The following TOLLIP variants were observed in gnomAD, a reference collection of about 807,000 sequenced individuals.
The protein encoded by TOLLIP is toll interacting protein, also known as toll-interacting protein.
In TOLLIP, 16 loss-of-function variants were observed where a neutral mutation model predicts 33.5. The ratio of observed to expected loss-of-function variants is 0.48; its 90% CI spans 0.32 to 0.72. The LOEUF is 0.72. TOLLIP is among the 30% of genes least tolerant of loss of function. TOLLIP has a pLI of 0.03. For missense variants in TOLLIP, 325 were observed against 396.6 expected (o/e 0.82, Z 1.53); for synonymous variants, 176 against 163.7 (o/e 1.07, Z -0.57).
chr11:1,286,078 GGCA>G lies in TOLLIP; in HGVS notation c.531_533del (p.Ala178del), dbSNP rs1273554936. On this transcript the variant is annotated inframe_deletion, in exon 5 of 6. Transcript: ENST00000317204. ...CCACGGGCTGGGGTGGCATCACCAT[GGCA>G]GCTGGAAGCAGCTGAAACACAGCGG... 2 of 1,597,690 alleles carry G rather than the reference GGCA, an allele frequency of 1.3e-6. No homozygotes were observed. Among genetic ancestry groups the G allele is most frequent in the Admixed American group, 1.8e-5 (1 of 56,798 alleles).
At position 1,303,542 on chromosome 11, in the gene TOLLIP, T is replaced by A. The variant is rs5743894; in HGVS notation, c.33+5924A>T. Reference sequence around the variant, plus strand: ...TGTATGCTAACGGCAGGAGGCGCTGTGCAAAGAAACAGGGCAAGGCCGGGT... The same window carrying A: ...TGTATGCTAACGGCAGGAGGCGCTGAGCAAAGAAACAGGGCAAGGCCGGGT... On this transcript the variant is annotated intron_variant, in intron 1 of 5. Coordinates refer to ENST00000317204, the MANE Select transcript of TOLLIP (RefSeq NM_019009.4). This position sits in a 1 kb window ranked among gnomAD's most constrained non-coding sequence, Gnocchi z 4.2. 1.3e-5 allele frequency among the ~76,000 whole-genome samples: 2 copies of A among 152,144 alleles called. No homozygotes were observed. The highest frequency in any genetic ancestry group is 2.9e-5 in the Non-Finnish European group (2 of 68,018).
Position 1,290,292 on chromosome 11 carries a change from T to C in TOLLIP, c.301A>G (p.Asn101Asp). 3 of 1,613,628 alleles carry C rather than the reference T, an allele frequency of 1.9e-6. No individual in the cohort carries two copies. Among genetic ancestry groups the C allele is most frequent in the Non-Finnish European group, 2.5e-6 (3 of 1,179,974 alleles). Residue 101 changes from asparagine to aspartate, a missense_variant, in exon 3 of 6, where the codon AAT becomes GAT. By Grantham distance (23) the Asn-to-Asp change is conservative. Coordinates refer to ENST00000317204, the MANE Select transcript of TOLLIP (RefSeq NM_019009.4). The surrounding 1 kb of genome is among the most constrained non-coding windows in gnomAD (Gnocchi z 4.9). The stretch of plus-strand genomic sequence containing the variant: ...GGCACCGTGCAGTGGATGACCTTAT[T>C]CCAGCGGGGATTCTTGGCGCCATTG... The part of the protein sequence containing the change: ...AHNGAKNPRW[N>D]KVIHCTVPPG...
chr11:1,297,202 A>G (rs1590224312), intron 1 of TOLLIP, among the ~76,000 whole-genome samples: 2 of 152,164 alleles, frequency 1.3e-5, no homozygotes, highest in East Asian at 3.9e-4. Context: ...TCTGCCATGC[A>G]CACCAGAAAC....
intron 5 of TOLLIP, among the ~76,000 whole-genome samples, chr11:1,282,592 T>G (rs1863538168): frequency 6.6e-6 from 1 of 151,672 alleles, no homozygotes; most frequent in Non-Finnish European, 1.5e-5. Flanking sequence ...AACCTGCACG[T>G]TGTGCACATG....
chr11:1,301,067 A>C (rs1292866434), intron 1 of TOLLIP, among the ~76,000 whole-genome samples: 1 of 152,270 alleles, frequency 6.6e-6, no homozygotes, highest in East Asian at 1.9e-4. Context: ...TAAAAACTAA[A>C]ATGCTTCTAG....
At chr11:1,283,135 C>CGCTGGGTGG (rs1863559734) in intron 5 of TOLLIP, 2 of 180,988 alleles carry the variant, frequency 1.1e-5, no homozygotes, top group Admixed American at 1.1e-4. Context: ...ACTAGCCCTG[C>CGCTGGGTGG]ACTGGGTAAA....
intron 5 of TOLLIP, among the ~76,000 whole-genome samples, chr11:1,280,086 A>C (rs1230073026): frequency 6.6e-6 from 1 of 152,288 alleles, no homozygotes; most frequent in Non-Finnish European, 1.5e-5. Flanking sequence ...TAAACACAAC[A>C]GCAGAGAGTT....
rs922962307 is a variant in TOLLIP, at chr11:1,303,834, G to A, written c.33+5632C>T. Among the ~76,000 whole-genome samples, 1 of 152,148 alleles carries A rather than the reference G, an allele frequency of 6.6e-6. No homozygotes were observed. The highest frequency in any genetic ancestry group is 1.5e-5 in the Non-Finnish European group (1 of 68,032). On this transcript the variant is annotated intron_variant, in intron 1 of 5. Transcript: ENST00000317204. The surrounding 1 kb of genome is among the most constrained non-coding windows in gnomAD (Gnocchi z 4.2). Reference sequence around the variant, plus strand: ...GCGGATCACTTGAGACCAGGAGTTCGAGAACAGCCTGGCCAACATGGTGAA... The same window carrying A: ...GCGGATCACTTGAGACCAGGAGTTCAAGAACAGCCTGGCCAACATGGTGAA...
Position 1,295,683 on chromosome 11 carries a change from C to A in TOLLIP, c.145G>T (p.Val49Leu), listed in dbSNP as rs1864091304. Residue 49 changes from valine (V) to leucine (L), a missense_variant, in exon 2 of 6, where the codon GTG becomes TTG. Val to Leu is a conservative substitution (Grantham distance 32). Coordinates refer to ENST00000317204, the MANE Select transcript of TOLLIP (RefSeq NM_019009.4). ...AAQQLQYGGA[V>L]GTVGRLNITV... ...ATGTTCAGTCGGCCCACGGTGCCCA[C>A]TGCGCCTCCGTACTGCAGCTGCTGG... is the stretch of plus-strand genomic sequence containing the variant. The A allele has an allele frequency of 1.2e-6, 2 of 1,607,488 alleles. No homozygotes were observed. The highest frequency in any genetic ancestry group is 1.7e-5 in the Admixed American group (1 of 59,750).
At position 1,282,061 on chromosome 11, in the gene TOLLIP, C is replaced by T. The variant is rs146052031; in HGVS notation, c.610+3941G>A. 2.2e-3 allele frequency among the ~76,000 whole-genome samples: 335 copies of T among 152,324 alleles called. 5 individuals carry two copies. Among genetic ancestry groups the T allele is most frequent in the African/African-American group, 7.6e-3 (318 of 41,578 alleles). On this transcript the variant is annotated intron_variant, in intron 5 of 5. Coordinates refer to ENST00000317204, the MANE Select transcript of TOLLIP (RefSeq NM_019009.4). ...GCCTTATTCACACTCTACAGTACTG[C>T]TAGGATAATTAAAAAATACTTCAAA... is the stretch of plus-strand genomic sequence containing the variant.
At position 1,295,044 on chromosome 11, in the gene TOLLIP, C is replaced by T. The variant is rs1441236790; in HGVS notation, c.183+601G>A. On this transcript the variant is annotated intron_variant, in intron 2 of 5. Coordinates refer to ENST00000317204, the MANE Select transcript of TOLLIP (RefSeq NM_019009.4). ...TTCCCTGCATTTCTACGAAAGCCTG[C>T]GTGGCTCACAGTGTGTCTCCTTTCC... Among the ~76,000 whole-genome samples the T allele has an allele frequency of 8.6e-5, 11 of 128,508 alleles. 1 individual carries two copies. The highest frequency in any genetic ancestry group is 3.3e-4 in the Admixed American group (4 of 12,192). The allele number at this position is 128,508 out of a possible 152,430, so 84.3% of individuals were successfully genotyped here.
intron 4 of TOLLIP, among the ~76,000 whole-genome samples, chr11:1,288,269 G>T (rs1863812352): frequency 6.6e-6 from 1 of 152,202 alleles, no homozygotes; most frequent in South Asian, 2.1e-4. Context: ...TCAGACCCTG[G>T]AGGGCTGCTC....
chr11:1,292,930 C>G (rs960151809), intron 2 of TOLLIP, among the ~76,000 whole-genome samples: 2 of 152,188 alleles, frequency 1.3e-5, no homozygotes, highest in African/African-American at 4.8e-5. Context: ...TCAGGAGTGA[C>G]TAGGGTGAGG....
chr11:1,288,777 C>T lies in TOLLIP; in HGVS notation c.367-1G>A. 4.3e-6 allele frequency: 7 copies of T among 1,611,102 alleles called. No individual in the cohort carries two copies. Among genetic ancestry groups the T allele is most frequent in the Non-Finnish European group, 5.9e-6 (7 of 1,178,936 alleles). Reference sequence around the variant, plus strand: ...TGCGGTCGTCCATGGAGAAGGCTCTCTGCGGGAGACAAGAGGGAGAGGCCC... The same window carrying T: ...TGCGGTCGTCCATGGAGAAGGCTCTTTGCGGGAGACAAGAGGGAGAGGCCC... On this transcript the variant is annotated splice_acceptor_variant, in intron 3 of 5. Transcript: ENST00000317204. LOFTEE classifies it high-confidence loss of function.
At position 1,290,008 on chromosome 11, in the gene TOLLIP, G is replaced by A. The variant is rs1251115121; in HGVS notation, c.366+219C>T. On this transcript the variant is annotated intron_variant, in intron 3 of 5. Transcript: ENST00000317204. The surrounding 1 kb of genome is among the most constrained non-coding windows in gnomAD (Gnocchi z 4.9). ...TATCCCTGGGTCATGCTTGTCACTG[G>A]GGATGTTTCCAAATGTAAGTATGTT... 7.1e-6 allele frequency: 4 copies of A among 565,470 alleles called. No homozygotes were observed. Among genetic ancestry groups the A allele is most frequent in the African/African-American group, 1.9e-5 (1 of 53,354 alleles). 35.0% of individuals were successfully genotyped at this position (565,470 alleles called of 1,614,324 possible).
chr11:1,305,447 A>G (rs964299090), intron 1 of TOLLIP, among the ~76,000 whole-genome samples: 3 of 152,172 alleles, frequency 2.0e-5, no homozygotes, highest in Admixed American at 6.5e-5. Flanking sequence ...CACATCTACA[A>G]AGAAAAGCAA....
intron 5 of TOLLIP, among the ~76,000 whole-genome samples, chr11:1,285,412 A>T (rs752566191): frequency 3.2e-4 from 49 of 152,254 alleles, no homozygotes; most frequent in Non-Finnish European, 6.9e-4. Context: ...GTCTTGCACC[A>T]GCAGCTACCA....
chr11:1,276,469 C>A lies in TOLLIP; in HGVS notation c.*570G>T. The stretch of plus-strand genomic sequence containing the variant: ...CTGGCTGGACAGTGGCCAGGTGAGC[C>A]AGGCCAGAGGCCGGCCCCACACCAT... On this transcript the variant is annotated 3_prime_UTR_variant, in exon 6 of 6. Transcript: ENST00000317204. The A allele has an allele frequency of 2.9e-6, 1 of 345,430 alleles. No individual in the cohort carries two copies. The highest frequency in any genetic ancestry group is 5.6e-6 in the Non-Finnish European group (1 of 179,564). The allele number at this position is 345,430 out of a possible 1,614,324, so 21.4% of individuals were successfully genotyped here. A position where few individuals can be genotyped will look rare whatever the true frequency, so the allele number is the denominator to read the frequency against.
chr11:1,275,090 A>G lies in TOLLIP; in HGVS notation c.*1949T>C, dbSNP rs1863245732. 2 of 152,272 alleles carry G rather than the reference A, an allele frequency of 1.3e-5. No homozygotes were observed. The highest frequency in any genetic ancestry group is 4.1e-4 in the South Asian group (2 of 4,836). 9.4% of individuals were successfully genotyped at this position (152,272 alleles called of 1,614,324 possible). A position where few individuals can be genotyped will look rare whatever the true frequency, so the allele number is the denominator to read the frequency against. ...AAAAAGAAAACTAAGAGATGGCGGC[A>G]AGCGTGGTCATCGGCAAAGGGTTGC... is the stretch of plus-strand genomic sequence containing the variant. On this transcript the variant is annotated 3_prime_UTR_variant, in exon 6 of 6. Coordinates refer to ENST00000317204, the MANE Select transcript of TOLLIP (RefSeq NM_019009.4).
Sources: allele counts gnomAD v4.1 joint callset (sites outside exome capture counted in the v4.1 genomes callset), GRCh38; gene constraint gnomAD v4.1.1; non-coding constraint Gnocchi (gnomAD v3.1); transcripts MANE v1.5; gene names NCBI Gene and HGNC (gene_info 2026-07-23, HGNC 2026-07-21).